ZBTB46: variants seen among roughly 807,000 people sequenced by gnomAD.
The protein encoded by ZBTB46 is zinc finger and BTB domain containing 46.
A neutral mutation model predicts 44.1 loss-of-function variants in ZBTB46; 8 were observed. The ratio of observed to expected loss-of-function variants is 0.18; its 90% CI spans 0.11 to 0.33. The LOEUF is 0.33. ZBTB46 is among the 10% of genes least tolerant of loss of function. The pLI is 1.00. For missense variants in ZBTB46, 651 were observed against 847.7 expected (o/e 0.77, Z 2.88); for synonymous variants, 409 against 382.3 (o/e 1.07, Z -0.81).
chr20:63,771,164 C>G (rs189462866), intron 3 of ZBTB46, among the ~76,000 whole-genome samples: 7 of 152,322 alleles, frequency 4.6e-5, no homozygotes, highest in Non-Finnish European at 4.4e-5. Flanking sequence ...CGGGGACCCT[C>G]GCCCAGCCGA....
chr20:63,772,919 G>A (rs1601433740), intron 3 of ZBTB46, among the ~76,000 whole-genome samples: 1 of 152,310 alleles, frequency 6.6e-6, no homozygotes, highest in Middle Eastern at 3.4e-3. Flanking sequence ...CTCCCTCCAC[G>A]TGCTCCGGGG....
chr20:63,769,755 T>C (rs1248032461), intron 3 of ZBTB46, among the ~76,000 whole-genome samples: 1 of 152,202 alleles, frequency 6.6e-6, no homozygotes, highest in Non-Finnish European at 1.5e-5. Flanking sequence ...CCAAATGCCC[T>C]TTAGTCGGCA....
chr20:63,820,097 CTTT>C (rs199787013), intron 1 of ZBTB46, among the ~76,000 whole-genome samples: 1 of 149,576 alleles, frequency 6.7e-6, no homozygotes, highest in Non-Finnish European at 1.5e-5. Context: ...AACAGGCACA[CTTT>C]TTTTTTTGTT....
At chr20:63,764,707 G>T (rs2092304395) in intron 3 of ZBTB46, among the ~76,000 whole-genome samples, 1 of 147,684 alleles carries the variant, frequency 6.8e-6, no homozygotes, top group African/African-American at 2.5e-5. Flanking sequence ...GGTTCAAACA[G>T]TTCTCCTGCC....
At chr20:63,800,142 G>A (rs981386162) in intron 1 of ZBTB46, among the ~76,000 whole-genome samples, 7 of 152,154 alleles carry the variant, frequency 4.6e-5, no homozygotes, top group Non-Finnish European at 1.0e-4. Context: ...TCCCGGCCTC[G>A]GCACCCTGGG....
At chr20:63,771,225 G>A (rs1203708463) in intron 3 of ZBTB46, among the ~76,000 whole-genome samples, 1 of 152,192 alleles carries the variant, frequency 6.6e-6, no homozygotes, top group African/African-American at 2.4e-5. Context: ...GGAGAGAGGA[G>A]CCGGCGGCCC....
In ZBTB46 at chr20:63,790,054, G is replaced by A. The variant is rs569028644; in HGVS notation, c.704C>T (p.Pro235Leu). The A allele has an allele frequency of 6.2e-6, 10 of 1,614,024 alleles. No individual in the cohort carries two copies. The highest frequency in any genetic ancestry group is 1.7e-5 in the Admixed American group (1 of 60,018). Reference protein sequence around the residue: ...PLRIKEEQVSPSQYGGSELPS... With the variant: ...PLRIKEEQVSLSQYGGSELPS... ...CAGCTCGCTCCCTCCGTACTGAGAC[G>A]GTGAAACCTGCTCTTCCTTGATGCG... is the stretch of plus-strand genomic sequence containing the variant. The change falls in exon 2 of 5, where the codon CCG becomes CTG. Residue 235 changes from proline (P) to leucine (L), a missense_variant. Pro to Leu is a moderately conservative substitution (Grantham distance 98). This residue lies in a region of ZBTB46 where 385 missense variants were observed against 423.3 expected (regional missense o/e 0.91). Coordinates refer to ENST00000245663, the MANE Select transcript of ZBTB46 (RefSeq NM_001369741.1).
intron 1 of ZBTB46, among the ~76,000 whole-genome samples, chr20:63,825,469 T>C (rs905566357): frequency 2.2e-5 from 3 of 136,964 alleles, no homozygotes; most frequent in African/African-American, 8.2e-5. Flanking sequence ...CCTCCCGGCT[T>C]CCCAGGGCCA....
upstream of ZBTB46, among the ~76,000 whole-genome samples, chr20:63,832,076 G>A (rs979105585): frequency 6.6e-6 from 1 of 152,054 alleles, no homozygotes; most frequent in Non-Finnish European, 1.5e-5. The surrounding 1 kb of genome is among the most constrained non-coding windows in gnomAD (Gnocchi z 5.0). Flanking sequence ...CCCTCCCGTC[G>A]TGTTGTCTGC....
At chr20:63,832,814 C>T (rs1395213321), upstream of ZBTB46, among the ~76,000 whole-genome samples, 2 of 152,156 alleles carry the variant, frequency 1.3e-5, no homozygotes, top group African/African-American at 4.8e-5. This position sits in a 1 kb window ranked among gnomAD's most constrained non-coding sequence, Gnocchi z 5.0. Flanking sequence ...TGAGCACAAC[C>T]ACCCTGAGAA....
intron 1 of ZBTB46, among the ~76,000 whole-genome samples, chr20:63,795,591 C>G (rs1218351836): frequency 5.9e-5 from 9 of 152,236 alleles, no homozygotes. Flanking sequence ...AAAACCAGCA[C>G]AGCTGGGAGG....
At chr20:63,784,129 A>G (rs1487162321) in intron 2 of ZBTB46, among the ~76,000 whole-genome samples, 2 of 152,198 alleles carry the variant, frequency 1.3e-5, no homozygotes, top group African/African-American at 4.8e-5. Context: ...AAGGGGACAC[A>G]GCCACGGCCC....
chr20:63,800,004 G>A (rs1052897949), intron 1 of ZBTB46, among the ~76,000 whole-genome samples: 45 of 152,114 alleles, frequency 3.0e-4, no homozygotes, highest in African/African-American at 1.1e-3. Flanking sequence ...CACCAGCTTC[G>A]CTCAGAACAG....
chr20:63,773,592 T>C (rs1230766144), intron 3 of ZBTB46, among the ~76,000 whole-genome samples: 1 of 151,718 alleles, frequency 6.6e-6, no homozygotes, highest in Non-Finnish European at 1.5e-5. Context: ...GAAAAGGCGC[T>C]CGGAGGGGAG....
chr20:63,807,053 A>G (rs1379542433), intron 1 of ZBTB46, among the ~76,000 whole-genome samples: 5 of 152,142 alleles, frequency 3.3e-5, no homozygotes, highest in African/African-American at 1.2e-4. Flanking sequence ...AAGTGCTGGG[A>G]TTACAGGCGT....
chr20:63,765,519 G>C (rs532369790), intron 3 of ZBTB46, among the ~76,000 whole-genome samples: 1 of 152,198 alleles, frequency 6.6e-6, no homozygotes, highest in African/African-American at 2.4e-5. Context: ...GCCTCGACCT[G>C]CTGTGCCCAA....
intron 3 of ZBTB46, among the ~76,000 whole-genome samples, chr20:63,771,526 G>T (rs1296573334): frequency 1.3e-5 from 2 of 152,140 alleles, no homozygotes; most frequent in Admixed American, 6.5e-5. Flanking sequence ...TCTCTCCCCC[G>T]ATCAGCGTCC....
chr20:63,755,844 A>T (rs1220196156), intron 3 of ZBTB46, among the ~76,000 whole-genome samples: 1 of 152,244 alleles, frequency 6.6e-6, no homozygotes, highest in Non-Finnish European at 1.5e-5. Flanking sequence ...ATAAAAAAGC[A>T]TAAAGATCAT....
At chr20:63,806,277 G>T (rs2092680676) in intron 1 of ZBTB46, among the ~76,000 whole-genome samples, 1 of 150,968 alleles carries the variant, frequency 6.6e-6, no homozygotes, top group Non-Finnish European at 1.5e-5. Flanking sequence ...CATGGTGACG[G>T]GTGCCTGTAA....
Sources: gnomAD v4.1 joint callset for allele counts (sites outside exome capture counted in the v4.1 genomes callset) on GRCh38, gnomAD v4.1.1 for gene constraint, gnomAD v4.1.1 regional missense constraint, Gnocchi (gnomAD v3.1) non-coding constraint, MANE v1.5 for transcripts, NCBI Gene and HGNC (gene_info 2026-07-23, HGNC 2026-07-21) for gene names.